The following CNTN4 variants were observed in gnomAD, a reference collection of about 807,000 sequenced individuals.
CNTN4 encodes the protein contactin 4.
A neutral mutation model predicts 122.5 loss-of-function variants in CNTN4; 77 were observed. The ratio of observed to expected loss-of-function variants is 0.63; its 90% CI spans 0.52 to 0.76. The LOEUF (loss-of-function observed/expected upper bound fraction) is 0.76. CNTN4 is among the 30% of genes least tolerant of loss of function. The pLI is 0.00. For missense variants in CNTN4, 1,256 were observed against 1,259.1 expected, an observed-to-expected ratio of 1.00 and a Z score of 0.04; for synonymous variants, 512 against 447.0, an observed-to-expected ratio of 1.15 and a Z score of -1.83.
intron 4 of CNTN4, among the ~76,000 whole-genome samples, chr3:2,608,895 G>A (rs1216242604): frequency 3.3e-5 from 5 of 152,204 alleles, no homozygotes; most frequent in African/African-American, 1.2e-4. Context: ...AGATTTCATA[G>A]GCCAAATATT....
At chr3:2,927,466 CA>C (rs1334879333) in intron 13 of CNTN4, 3 of 345,604 alleles carry the variant, frequency 8.7e-6, no homozygotes, top group African/African-American at 6.4e-5. Flanking sequence ...TTTCATTGGC[CA>C]AAACAGGTCA....
In CNTN4 at chr3:2,600,008, CTTTTTT is replaced by C. The variant is rs71058630; in HGVS notation, c.55+28472_55+28477del. Among the ~76,000 whole-genome samples, 50 of 41,760 alleles carry C rather than the reference CTTTTTT, an allele frequency of 1.2e-3. No individual in the cohort carries two copies. The East Asian group carries it at 0.019, about 16-fold the overall frequency. The allele number at this position is 41,760 out of a possible 152,430, so 27.4% of individuals were successfully genotyped here. ...CTCTATTTTGGTTTATGGAATTCTT[CTTTTTT>C]TTTTTTTTTTTTTTTTTTTTTGCCA... On this transcript the variant is annotated intron_variant, in intron 4 of 24. Coordinates refer to ENST00000418658, the MANE Select transcript of CNTN4 (RefSeq NM_175607.3).
chr3:2,375,144 A>G (rs536189911), intron 3 of CNTN4, among the ~76,000 whole-genome samples: 1 of 152,328 alleles, frequency 6.6e-6, no homozygotes, highest in African/African-American at 2.4e-5. Flanking sequence ...TTGACAGTAG[A>G]CAGTCTCTAG....
chr3:2,627,761 G>A lies in CNTN4; in HGVS notation c.55+56203G>A, dbSNP rs928759618. Among the ~76,000 whole-genome samples, 3 of 152,046 alleles carry A rather than the reference G, an allele frequency of 2.0e-5. 1 individual carries two copies. Among genetic ancestry groups the A allele is most frequent in the South Asian group, 4.2e-4 (2 of 4,810 alleles). Reference sequence around the variant, plus strand: ...GCCCGCCTCGGCCTCCCAAAGTGCTGGGATTACAGGCGTGAGCCACCGTGC... The same window carrying A: ...GCCCGCCTCGGCCTCCCAAAGTGCTAGGATTACAGGCGTGAGCCACCGTGC... On this transcript the variant is annotated intron_variant, in intron 4 of 24. Coordinates refer to ENST00000418658, the MANE Select transcript of CNTN4 (RefSeq NM_175607.3).
rs929221949 is a variant in CNTN4, at chr3:2,283,047, A to G, written c.-144-56131A>G. Among the ~76,000 whole-genome samples the G allele has an allele frequency of 2.6e-5, 4 of 152,142 alleles. No homozygotes were observed. In the East Asian group the frequency reaches 7.7e-4, roughly 29 times the overall value. ...TGGGTATGGAGTTTCTTTAGAGGAA[A>G]AAATTCTGGAGTGGTGGTGGCTACA... On this transcript the variant is annotated intron_variant, in intron 2 of 24. Transcript: ENST00000418658.
intron 4 of CNTN4, among the ~76,000 whole-genome samples, chr3:2,653,768 A>G (rs2083462845): frequency 6.6e-6 from 1 of 152,174 alleles, no homozygotes; most frequent in African/African-American, 2.4e-5. Context: ...GTGACTACTC[A>G]AAAATCTTAC....
At chr3:2,975,980 G>A (rs927994709) in intron 13 of CNTN4, among the ~76,000 whole-genome samples, 9 of 152,138 alleles carry the variant, frequency 5.9e-5, no homozygotes, top group Non-Finnish European at 7.4e-5. Flanking sequence ...TGGAAACATG[G>A]AGATCTTGCA....
intron 2 of CNTN4, among the ~76,000 whole-genome samples, chr3:2,311,192 G>C (rs1191080688): frequency 6.6e-6 from 1 of 152,018 alleles, no homozygotes; most frequent in Non-Finnish European, 1.5e-5. Context: ...GATTCAACCT[G>C]TCCTGCCTAG....
At position 2,781,126 on chromosome 3, in the gene CNTN4, A is replaced by G. The variant is rs531107507; in HGVS notation, c.358+35429A>G. Among the ~76,000 whole-genome samples the G allele has an allele frequency of 3.9e-5, 6 of 152,328 alleles. No individual in the cohort carries two copies. The South Asian group carries it at 1.2e-3, about 32-fold the overall frequency. ...GAAAGAAACCAACAAACATGCCCTAAGACCAGTTGAAACAGTGTATCCACC... is the reference window on the plus strand; with the variant it reads ...GAAAGAAACCAACAAACATGCCCTAGGACCAGTTGAAACAGTGTATCCACC... On this transcript the variant is annotated intron_variant, in intron 6 of 24. Coordinates refer to ENST00000418658, the MANE Select transcript of CNTN4 (RefSeq NM_175607.3).
Position 2,287,079 on chromosome 3 carries a change from T to C in CNTN4, c.-144-52099T>C, listed in dbSNP as rs116702095. On this transcript the variant is annotated intron_variant, in intron 2 of 24. Coordinates refer to ENST00000418658, the MANE Select transcript of CNTN4 (RefSeq NM_175607.3). Reference sequence around the variant, plus strand: ...TCACTGGAACTCTTTGTTCAGAAACTGAACATTTACTTAGCAAGGCTTGTT... The same window carrying C: ...TCACTGGAACTCTTTGTTCAGAAACCGAACATTTACTTAGCAAGGCTTGTT... Among the ~76,000 whole-genome samples, 698 of 152,304 alleles carry C rather than the reference T, an allele frequency of 4.6e-3. 5 individuals carry two copies. Among genetic ancestry groups the C allele is most frequent in the African/African-American group, 0.016 (670 of 41,568 alleles).
chr3:2,273,613 G>C (rs1476277045), intron 2 of CNTN4, among the ~76,000 whole-genome samples: 1 of 152,150 alleles, frequency 6.6e-6, no homozygotes, highest in African/African-American at 2.4e-5. Context: ...ATTCAAGTTT[G>C]TTTGTCCTAG....
chr3:2,834,522 A>G (rs567592176), intron 7 of CNTN4, among the ~76,000 whole-genome samples: 4 of 151,582 alleles, frequency 2.6e-5, no homozygotes, highest in Non-Finnish European at 5.9e-5. Context: ...AGCCAAGATC[A>G]TGCCACTGTA....
At chr3:2,609,690 G>A (rs997127200) in intron 4 of CNTN4, among the ~76,000 whole-genome samples, 1 of 152,096 alleles carries the variant, frequency 6.6e-6, no homozygotes, top group Non-Finnish European at 1.5e-5. Context: ...ATATACCTTT[G>A]AGACTTGAAA....
In CNTN4 at chr3:2,828,259, A is replaced by T. The variant is rs181981919; in HGVS notation, c.454+8678A>T. Among the ~76,000 whole-genome samples, 1,338 of 152,202 alleles carry T rather than the reference A, an allele frequency of 8.8e-3. 31 individuals are homozygous for T. Among genetic ancestry groups the T allele is most frequent in the Non-Finnish European group, 7.3e-3 (494 of 68,010 alleles). Reference sequence around the variant, plus strand: ...TCTTTGTTTCTTGGCCACCACTGAGAGAGCTGCATTTTGATACCAATTTCA... The same window carrying T: ...TCTTTGTTTCTTGGCCACCACTGAGTGAGCTGCATTTTGATACCAATTTCA... On this transcript the variant is annotated intron_variant, in intron 7 of 24. Coordinates refer to ENST00000418658, the MANE Select transcript of CNTN4 (RefSeq NM_175607.3).
At chr3:2,758,855 A>G (rs1056301572) in intron 6 of CNTN4, among the ~76,000 whole-genome samples, 1 of 152,056 alleles carries the variant, frequency 6.6e-6, no homozygotes, top group African/African-American at 2.4e-5. Context: ...ATACCATACC[A>G]TACAATTCAT....
At chr3:2,925,895 A>G (rs1367499763) in intron 13 of CNTN4, 116 bp downstream of exon 13, 1 of 872,102 alleles carries the variant, frequency 1.1e-6, no homozygotes, top group African/African-American at 1.7e-5. Context: ...ACTAAGTGTT[A>G]AAAAAAGAAC....
intron 3 of CNTN4, among the ~76,000 whole-genome samples, chr3:2,446,975 G>T (rs141113735): frequency 6.6e-6 from 1 of 151,930 alleles, no homozygotes; most frequent in Admixed American, 6.6e-5. Context: ...AATAACTAGG[G>T]GAAGAACAAC....
At chr3:2,638,436 T>G (rs1386102677) in intron 4 of CNTN4, among the ~76,000 whole-genome samples, 1 of 152,170 alleles carries the variant, frequency 6.6e-6, no homozygotes, top group African/African-American at 2.4e-5. Context: ...TTATTTGTAT[T>G]ATAAAGAAAG....
intron 4 of CNTN4, among the ~76,000 whole-genome samples, chr3:2,598,745 G>T (rs1486338031): frequency 6.6e-6 from 1 of 152,166 alleles, no homozygotes; most frequent in Non-Finnish European, 1.5e-5. Flanking sequence ...AATCAGTTCA[G>T]TTAGTTGATG....
Sources: gnomAD v4.1 joint callset for allele counts (sites outside exome capture counted in the v4.1 genomes callset) on GRCh38, gnomAD v4.1.1 for gene constraint, MANE v1.5 for transcripts, NCBI Gene and HGNC (gene_info 2026-07-23, HGNC 2026-07-21) for gene names.